Variants in MYCBP2 observed in about 807,000 individuals in gnomAD.
MYCBP2 encodes MYC binding protein 2, also known as E3 ubiquitin-protein ligase MYCBP2.
MYCBP2 carries 120 observed loss-of-function variants against 525.3 expected under a neutral mutation model. That is an observed-to-expected ratio of 0.23 (90% CI 0.20 to 0.27). The LOEUF (loss-of-function observed/expected upper bound fraction) is 0.27, where lower values mean the gene tolerates loss of function less well. Among genes scored for constraint, MYCBP2 ranks in the 10% least tolerant of loss-of-function variants. The pLI, the probability that MYCBP2 is intolerant of heterozygous loss-of-function variation, is 1.00. For missense variants in MYCBP2, 4,149 were observed against 5,657.1 expected (o/e 0.73, Z 8.55); for synonymous variants, 1,894 against 1,955.8 (o/e 0.97, Z 0.83).
In MYCBP2 at chr13:77,243,101, G is replaced by A. The variant is rs757603283; in HGVS notation, c.2587C>T (p.Arg863Trp). Reference sequence around the variant, plus strand: ...CTGTGCCTTCTGATTACACGTTGCCGTTTTTCTTCTTGTCGTAACTGAAGG... The same window carrying A: ...CTGTGCCTTCTGATTACACGTTGCCATTTTTCTTCTTGTCGTAACTGAAGG... ...EHLQLRQEEK[R>W]QRVIRRHRLE... Residue 863 changes from arginine (R) to tryptophan (W), a missense_variant, in exon 17 of 83, where the codon CGG (arginine) becomes TGG (tryptophan). Transcript: ENST00000544440. 7.4e-6 allele frequency: 12 copies of A among 1,613,872 alleles called. No individual in the cohort carries two copies. Among genetic ancestry groups the A allele is most frequent in the East Asian group, 6.7e-5 (3 of 44,874 alleles).
At chr13:77,093,117 C>T in intron 59 of MYCBP2, 48 bp downstream of exon 59, 1 of 1,525,704 alleles carries the variant, frequency 6.6e-7, no homozygotes, top group Non-Finnish European at 8.8e-7. Flanking sequence ...CAAAGTCTTT[C>T]TTCCACCAAA....
chr13:77,203,146 C>A (rs573520491), intron 26 of MYCBP2, among the ~76,000 whole-genome samples: 1 of 152,200 alleles, frequency 6.6e-6, no homozygotes, highest in Non-Finnish European at 1.5e-5. Context: ...CTAGAAAACC[C>A]CATCATCTCA....
chr13:77,124,555 T>A (rs1427536383), intron 54 of MYCBP2, among the ~76,000 whole-genome samples: 1 of 152,206 alleles, frequency 6.6e-6, no homozygotes, highest in Non-Finnish European at 1.5e-5. Flanking sequence ...GAGCAACTAG[T>A]ATGTGTCAAA....
chr13:77,140,180 TAAAC>T lies in MYCBP2; in HGVS notation c.7402-21_7402-18del. 6.6e-7 allele frequency: 1 copy of T among 1,518,058 alleles called. No homozygotes were observed. Among genetic ancestry groups the T allele is most frequent in the Non-Finnish European group, 9.0e-7 (1 of 1,107,468 alleles). 94.0% of individuals were successfully genotyped at this position (1,518,058 alleles called of 1,614,324 possible). ...TTTTCGAACCTGAGAAAGGCAAAGA[TAAAC>T]AGTGAGGTAGGAAGAACATAGAATA... is the stretch of plus-strand genomic sequence containing the variant. On this transcript the variant is annotated intron_variant, in intron 50 of 82. Coordinates refer to ENST00000544440, the MANE Select transcript of MYCBP2 (RefSeq NM_015057.5).
At chr13:77,129,191 C>T (rs148280869) in intron 52 of MYCBP2, 5 of 397,910 alleles carry the variant, frequency 1.3e-5, no homozygotes, top group African/African-American at 8.2e-5. Context: ...CATGAAAATA[C>T]GTCCAAATCC....
At chr13:77,247,697 G>A (rs1159277029) in intron 15 of MYCBP2, among the ~76,000 whole-genome samples, 1 of 152,180 alleles carries the variant, frequency 6.6e-6, no homozygotes, top group East Asian at 1.9e-4. Context: ...AAACAATGTG[G>A]TGTGGCATAA....
chr13:77,063,256 A>C (rs909162794), intron 73 of MYCBP2, among the ~76,000 whole-genome samples: 7 of 152,162 alleles, frequency 4.6e-5, no homozygotes, highest in African/African-American at 1.2e-4. Context: ...AAAGCTTTAG[A>C]AAACTGTTCT....
intron 4 of MYCBP2, among the ~76,000 whole-genome samples, chr13:77,276,047 T>C (rs1171388450): frequency 6.6e-6 from 1 of 152,218 alleles, no homozygotes; most frequent in Non-Finnish European, 1.5e-5. Context: ...TCCACATTTG[T>C]AATTATACAC....
intron 55 of MYCBP2, among the ~76,000 whole-genome samples, chr13:77,113,300 G>T (rs1000210932): frequency 1.3e-5 from 2 of 152,074 alleles, no homozygotes; most frequent in African/African-American, 4.8e-5. Flanking sequence ...TGTTTCCATT[G>T]CATCCTGTGA....
chr13:77,164,389 T>C, intron 43 of MYCBP2, 65 bp downstream of exon 43: 1 of 1,096,722 alleles, frequency 9.1e-7, no homozygotes. Flanking sequence ...TTTTTGGCCC[T>C]TTTATAATAC....
At chr13:77,171,987 G>C (rs964956814) in intron 37 of MYCBP2, among the ~76,000 whole-genome samples, 2 of 152,144 alleles carry the variant, frequency 1.3e-5, no homozygotes, top group South Asian at 4.2e-4. Flanking sequence ...TGCAACCTCC[G>C]CCTCCCAGGT....
chr13:77,088,104 T>G (rs925203448), intron 61 of MYCBP2, among the ~76,000 whole-genome samples: 5 of 152,068 alleles, frequency 3.3e-5, no homozygotes, highest in Non-Finnish European at 7.4e-5. Context: ...CTGACCTTTA[T>G]TTCACTGAAA....
At chr13:77,136,968 C>T (rs1464507532) in intron 52 of MYCBP2, among the ~76,000 whole-genome samples, 1 of 152,116 alleles carries the variant, frequency 6.6e-6, no homozygotes, top group African/African-American at 2.4e-5. Flanking sequence ...TTATAAAACT[C>T]TCAAGTCACT....
At chr13:77,251,420 A>T (rs1485542463) in intron 14 of MYCBP2, 65 bp from the exon 15 acceptor site, 5 of 1,348,450 alleles carry the variant, frequency 3.7e-6, no homozygotes, top group Non-Finnish European at 5.2e-6. Flanking sequence ...ATGGATGACT[A>T]TATTTCCCAG....
At chr13:77,246,832 T>G (rs1166500541) in intron 15 of MYCBP2, among the ~76,000 whole-genome samples, 1 of 152,142 alleles carries the variant, frequency 6.6e-6, no homozygotes, top group African/African-American at 2.4e-5. Context: ...AATCAATCCA[T>G]GTAATGTAAC....
In MYCBP2 at chr13:77,261,386, A is replaced by T. The variant is rs1337406540; in HGVS notation, c.1648-11T>A. The T allele has an allele frequency of 3.5e-6, 4 of 1,139,252 alleles. No individual in the cohort carries two copies. The highest frequency in any genetic ancestry group is 7.5e-5 in the African/African-American group (2 of 26,536). 70.6% of individuals were successfully genotyped at this position (1,139,252 alleles called of 1,614,324 possible). ...GCCAGTGTAATATATCTTATGTATTAAAAAAAAAAAGGAATTATGGTACTT... is the reference window on the plus strand; with the variant it reads ...GCCAGTGTAATATATCTTATGTATTTAAAAAAAAAAGGAATTATGGTACTT... On this transcript the variant is annotated splice_polypyrimidine_tract_variant and intron_variant, in intron 11 of 82. Transcript: ENST00000544440.
At chr13:77,101,906 A>G (rs915202842) in intron 55 of MYCBP2, among the ~76,000 whole-genome samples, 3 of 152,046 alleles carry the variant, frequency 2.0e-5, no homozygotes, top group African/African-American at 7.2e-5. Flanking sequence ...CAACAAATAT[A>G]AACAGTTTGC....
At chr13:77,123,317 A>C (rs1373169473) in intron 54 of MYCBP2, among the ~76,000 whole-genome samples, 5 of 152,220 alleles carry the variant, frequency 3.3e-5, no homozygotes, top group Non-Finnish European at 5.9e-5. Context: ...CTGTATCTAT[A>C]CATCAAGAGT....
chr13:77,247,980 G>A (rs994823219), intron 15 of MYCBP2, among the ~76,000 whole-genome samples: 9 of 151,876 alleles, frequency 5.9e-5, no homozygotes, highest in African/African-American at 7.2e-5. Context: ...ATCACACACC[G>A]GGGCCTGTTG....
Sources: allele counts gnomAD v4.1 joint callset (sites outside exome capture counted in the v4.1 genomes callset), GRCh38; gene constraint gnomAD v4.1.1; transcripts MANE v1.5; gene names NCBI Gene and HGNC (gene_info 2026-07-23, HGNC 2026-07-21).